The following NAALADL2 variants were observed in gnomAD, a reference collection of about 807,000 sequenced individuals.
The protein encoded by NAALADL2 is inactive N-acetylated-alpha-linked acidic dipeptidase-like protein 2.
A neutral mutation model predicts 87.2 loss-of-function variants in NAALADL2; 76 were observed. That is an observed-to-expected ratio of 0.87 (90% CI 0.72 to 1.05). NAALADL2 has a LOEUF of 1.05. NAALADL2 is among the 50% of genes least tolerant of loss of function. NAALADL2 has a pLI of 0.00. For synonymous variants in NAALADL2, 354 were observed against 331.0 expected, an observed-to-expected ratio of 1.07 and a Z score of -0.75; for missense variants, 1,089 against 945.8, an observed-to-expected ratio of 1.15 and a Z score of -1.99.
intron 9 of NAALADL2, among the ~76,000 whole-genome samples, chr3:175,565,648 T>G (rs1040087122): frequency 1.3e-5 from 2 of 151,874 alleles, no homozygotes; most frequent in Non-Finnish European, 2.9e-5. Flanking sequence ...ATTTCTCTTA[T>G]CTGTTCTCTC....
At chr3:175,416,628 G>A (rs1714689820) in intron 5 of NAALADL2, among the ~76,000 whole-genome samples, 2 of 152,130 alleles carry the variant, frequency 1.3e-5, no homozygotes, top group African/African-American at 4.8e-5. Flanking sequence ...TTACTACAAT[G>A]CTGTAAAAGT....
At chr3:174,861,078 A>G (rs1485931049) in intron 1 of NAALADL2, among the ~76,000 whole-genome samples, 2 of 152,078 alleles carry the variant, frequency 1.3e-5, no homozygotes, top group African/African-American at 2.4e-5. Context: ...AACTTGTGAA[A>G]TCAGTTATAT....
At chr3:174,998,144 T>G (rs1045250338) in intron 1 of NAALADL2, among the ~76,000 whole-genome samples, 2 of 152,214 alleles carry the variant, frequency 1.3e-5, no homozygotes, top group African/African-American at 4.8e-5. Flanking sequence ...TAACATTTAT[T>G]TAGCACTACC....
At chr3:175,280,809 C>G (rs1265313816) in intron 4 of NAALADL2, among the ~76,000 whole-genome samples, 1 of 151,978 alleles carries the variant, frequency 6.6e-6, no homozygotes, top group East Asian at 1.9e-4. Flanking sequence ...CCCCTCCAAA[C>G]AGGGAGTTTT....
intron 3 of NAALADL2, among the ~76,000 whole-genome samples, chr3:174,819,184 T>C (rs1311166708): frequency 2.7e-5 from 4 of 148,752 alleles, no homozygotes; most frequent in African/African-American, 9.9e-5. Flanking sequence ...CTTGCCTTAG[T>C]CTCCCAAGTA....
intron 1 of NAALADL2, among the ~76,000 whole-genome samples, chr3:174,988,030 A>G (rs947204227): frequency 6.6e-6 from 1 of 151,966 alleles, no homozygotes; most frequent in African/African-American, 2.4e-5. Flanking sequence ...TTAAGAGTTA[A>G]CATGTGATGA....
chr3:174,703,413 A>G (rs979577632), intron 2 of NAALADL2, among the ~76,000 whole-genome samples: 1 of 151,822 alleles, frequency 6.6e-6, no homozygotes, highest in African/African-American at 2.4e-5. Flanking sequence ...GAGGAGCAGC[A>G]ATATTTAAGT....
intron 1 of NAALADL2, among the ~76,000 whole-genome samples, chr3:174,519,312 TGAATGAAGA>T (rs1211328943): frequency 1.3e-4 from 20 of 149,840 alleles, no homozygotes; most frequent in African/African-American, 4.8e-4. Context: ...AACAAGTGAA[TGAATGAAGA>T]TTTCCTTTTT....
Position 175,662,852 on chromosome 3 carries a change from A to G in NAALADL2, c.1896+35466A>G, listed in dbSNP as rs375209357. The stretch of plus-strand genomic sequence containing the variant: ...TCCCTGGGATGGTTCCCACTTGATC[A>G]TGTGAATAAATTTTTAATGTGTTGT... On this transcript the variant is annotated intron_variant, in intron 11 of 13. Transcript: ENST00000454872. Among the ~76,000 whole-genome samples the G allele has an allele frequency of 9.9e-5, 15 of 152,074 alleles. No homozygotes were observed. The East Asian group carries it at 1.9e-3, about 20-fold the overall frequency.
At chr3:175,761,365 C>T (rs114848644) in intron 13 of NAALADL2, among the ~76,000 whole-genome samples, 2,954 of 152,186 alleles carry the variant, frequency 0.019, 73 homozygotes, top group Non-Finnish European at 0.023. Flanking sequence ...GCATTTTCTC[C>T]GTGTTCATTT....
At chr3:174,561,221 GAA>G (rs1713575433) in intron 2 of NAALADL2, among the ~76,000 whole-genome samples, 1 of 100,742 alleles carries the variant, frequency 9.9e-6, no homozygotes, top group Non-Finnish European at 1.9e-5. Flanking sequence ...TTTTTTTTTG[GAA>G]AGAGTCTCGC....
intron 1 of NAALADL2, among the ~76,000 whole-genome samples, chr3:175,050,355 T>TG (rs58993739): frequency 0.33 from 50,307 of 151,876 alleles, 8,550 homozygotes; most frequent in Middle Eastern, 0.45. Flanking sequence ...CTCTGCCTCC[T>TG]GGGTTCAAAC....
At chr3:175,325,365 C>T (rs1760577385) in intron 5 of NAALADL2, among the ~76,000 whole-genome samples, 1 of 152,144 alleles carries the variant, frequency 6.6e-6, no homozygotes, top group Non-Finnish European at 1.5e-5. Flanking sequence ...TTTAATAATC[C>T]ATGTAAATTT....
intron 1 of NAALADL2, among the ~76,000 whole-genome samples, chr3:174,997,954 C>T (rs62286241): frequency 0.15 from 22,430 of 152,046 alleles, 2,593 homozygotes; most frequent in African/African-American, 0.31. Flanking sequence ...GTGTATTTAA[C>T]CATGTTTCCT....
intron 2 of NAALADL2, among the ~76,000 whole-genome samples, chr3:174,582,348 A>T (rs1052357995): frequency 4.6e-5 from 7 of 152,192 alleles, no homozygotes; most frequent in Non-Finnish European, 1.0e-4. Context: ...AAATATAAAC[A>T]TACTTGCTTC....
chr3:175,382,663 C>A (rs1266822500), intron 5 of NAALADL2, among the ~76,000 whole-genome samples: 1 of 59,550 alleles, frequency 1.7e-5, no homozygotes, highest in Non-Finnish European at 3.8e-5. Context: ...AGTGGCTGCA[C>A]AATTATATAT....
chr3:175,444,669 C>T (rs984330945), intron 5 of NAALADL2, among the ~76,000 whole-genome samples: 1 of 152,132 alleles, frequency 6.6e-6, no homozygotes, highest in Non-Finnish European at 1.5e-5. Flanking sequence ...ATTGTCATTT[C>T]ACTGTGGGTC....
At chr3:175,196,878 G>C (rs1739094505) in intron 2 of NAALADL2, among the ~76,000 whole-genome samples, 1 of 151,680 alleles carries the variant, frequency 6.6e-6, no homozygotes, top group South Asian at 2.1e-4. Flanking sequence ...AGCTTTTTTT[G>C]TGTGTAATGT....
chr3:174,523,526 G>T (rs1313196662), intron 1 of NAALADL2: 1 of 152,068 alleles, frequency 6.6e-6, no homozygotes, highest in African/African-American at 2.4e-5. Context: ...AATGCATTTC[G>T]TTTAAGCTTT....
Sources: allele counts gnomAD v4.1 joint callset (sites outside exome capture counted in the v4.1 genomes callset), GRCh38; gene constraint gnomAD v4.1.1; transcripts MANE v1.5; gene names NCBI Gene and HGNC (gene_info 2026-07-23, HGNC 2026-07-21).